Variants in PSMA1 observed in about 807,000 individuals in gnomAD.
PSMA1 encodes the protein proteasome 20S subunit alpha 1.
Under a neutral mutation model 38.4 loss-of-function variants are expected in PSMA1, and 3 were observed. The ratio of observed to expected loss-of-function variants is 0.08; its 90% CI spans 0.04 to 0.20. The LOEUF (loss-of-function observed/expected upper bound fraction) is 0.20. Among genes scored for constraint, PSMA1 ranks in the 10% least tolerant of loss-of-function variants. The pLI is 1.00. For missense variants in PSMA1, 227 were observed against 325.3 expected (o/e 0.70, Z 2.32); for synonymous variants, 101 against 107.1 (o/e 0.94, Z 0.35).
At chr11:14,636,687 C>A (rs1413564739) in intron 1 of PSMA1, among the ~76,000 whole-genome samples, 1 of 152,168 alleles carries the variant, frequency 6.6e-6, no homozygotes, top group East Asian at 1.9e-4. Context: ...AATCCATAAT[C>A]TTTACTCTCA....
intron 7 of PSMA1, among the ~76,000 whole-genome samples, chr11:14,512,839 A>G (rs1249509874): frequency 6.6e-6 from 1 of 152,252 alleles, no homozygotes; most frequent in African/African-American, 2.4e-5. Context: ...CAAACCATTT[A>G]CCATAATTTA....
intron 2 of PSMA1, among the ~76,000 whole-genome samples, chr11:14,518,360 A>G (rs1347819024): frequency 6.6e-6 from 1 of 152,152 alleles, no homozygotes; most frequent in Non-Finnish European, 1.5e-5. Context: ...TGGCCTCCCA[A>G]AGTGCTGGGA....
intron 1 of PSMA1, among the ~76,000 whole-genome samples, chr11:14,641,111 G>A (rs1480407081): frequency 2.0e-5 from 3 of 151,744 alleles, no homozygotes; most frequent in Admixed American, 6.6e-5. Context: ...AAACCACCAC[G>A]GCACGTGTAT....
intron 2 of PSMA1, among the ~76,000 whole-genome samples, chr11:14,560,678 C>G (rs1018705046): frequency 2.6e-5 from 4 of 152,194 alleles, no homozygotes; most frequent in African/African-American, 9.7e-5. Context: ...TTTTGGTTCC[C>G]AGACTTATGT....
intron 1 of PSMA1, among the ~76,000 whole-genome samples, chr11:14,634,102 C>T (rs1050257591): frequency 2.6e-5 from 4 of 152,174 alleles, no homozygotes; most frequent in Admixed American, 6.5e-5. Context: ...CCGTCTTCTG[C>T]GTCGCTCACA....
intron 2 of PSMA1, among the ~76,000 whole-genome samples, chr11:14,564,636 C>A (rs757753577): frequency 1.3e-5 from 2 of 152,130 alleles, no homozygotes; most frequent in Admixed American, 6.6e-5. Flanking sequence ...GAGTGGCTGT[C>A]CCATTTTACT....
chr11:14,609,861 C>T (rs1440841255), intron 2 of PSMA1, among the ~76,000 whole-genome samples: 3 of 152,174 alleles, frequency 2.0e-5, no homozygotes, highest in Admixed American at 1.3e-4. Context: ...ACACGATCAC[C>T]TGGATGCTTT....
At chr11:14,521,582 G>C (rs1174680326), upstream of PSMA1, among the ~76,000 whole-genome samples, 1 of 150,694 alleles carries the variant, frequency 6.6e-6, no homozygotes, top group Non-Finnish European at 1.5e-5. Flanking sequence ...TCAGGAGATC[G>C]GACCATCCTG....
intron 1 of PSMA1, among the ~76,000 whole-genome samples, chr11:14,628,434 G>A (rs1021121722): frequency 6.7e-6 from 1 of 148,666 alleles, no homozygotes. Context: ...TTTTGTTCTT[G>A]CGATAGTTTA....
At chr11:14,512,983 C>G (rs528451630) in intron 7 of PSMA1, among the ~76,000 whole-genome samples, 1 of 152,328 alleles carries the variant, frequency 6.6e-6, no homozygotes, top group African/African-American at 2.4e-5. Context: ...TCTGCATTCA[C>G]TAAACCCCAA....
At chr11:14,592,394 A>ATTT (rs757886405) in intron 2 of PSMA1, among the ~76,000 whole-genome samples, 79 of 138,140 alleles carry the variant, frequency 5.7e-4, no homozygotes, top group African/African-American at 2.0e-3. Flanking sequence ...ATATATATAT[A>ATTT]TTTTTTTTTT....
At chr11:14,580,043 G>C (rs1253740909) in intron 2 of PSMA1, among the ~76,000 whole-genome samples, 1 of 152,128 alleles carries the variant, frequency 6.6e-6, no homozygotes, top group Non-Finnish European at 1.5e-5. Flanking sequence ...CAAAGAGCAG[G>C]GCTGGAAAGA....
chr11:14,634,501 C>CT lies in PSMA1; in HGVS notation c.-166+8953dup, dbSNP rs75605281. On this transcript the variant is annotated intron_variant, in intron 1 of 10. Transcript: ENST00000418988. The stretch of plus-strand genomic sequence containing the variant: ...CACTTAATTCTTCGTAAAATTTAGG[C>CT]TTTTTTTTTTTTTAAGTGATTTTTG... Among the ~76,000 whole-genome samples, 465 of 140,948 alleles carry CT rather than the reference C, an allele frequency of 3.3e-3. 1 individual carries two copies. Among genetic ancestry groups the CT allele is most frequent in the African/African-American group, 5.7e-3 (219 of 38,414 alleles). The allele number at this position is 140,948 out of a possible 152,430, so 92.5% of individuals were successfully genotyped here.
chr11:14,630,994 G>A (rs1379784620), intron 1 of PSMA1, among the ~76,000 whole-genome samples: 1 of 152,200 alleles, frequency 6.6e-6, no homozygotes, highest in Non-Finnish European at 1.5e-5. Flanking sequence ...TTGTATTTCT[G>A]TAGGATTGGT....
chr11:14,537,288 T>C (rs1423413234), intron 2 of PSMA1, among the ~76,000 whole-genome samples: 1 of 152,192 alleles, frequency 6.6e-6, no homozygotes, highest in Non-Finnish European at 1.5e-5. Flanking sequence ...CCCACCACCC[T>C]CGCCCAGAAA....
intron 2 of PSMA1, among the ~76,000 whole-genome samples, chr11:14,543,531 CTT>C (rs879892441): frequency 1.4e-5 from 2 of 142,990 alleles, no homozygotes; most frequent in African/African-American, 2.6e-5. Context: ...GATTTGGTTT[CTT>C]TTTTTTTTTT....
intron 1 of PSMA1, among the ~76,000 whole-genome samples, chr11:14,621,605 T>A (rs1398024926): frequency 6.6e-6 from 1 of 152,224 alleles, no homozygotes; most frequent in African/African-American, 2.4e-5. Flanking sequence ...ATGCTAGTAA[T>A]GAATTGGCAC....
intron 2 of PSMA1, among the ~76,000 whole-genome samples, chr11:14,587,164 C>A (rs1239551759): frequency 1.3e-5 from 2 of 152,186 alleles, no homozygotes; most frequent in Non-Finnish European, 2.9e-5. Context: ...CCTTTCCCTG[C>A]TCTTCTCTGT....
chr11:14,573,417 G>T (rs1260225730), intron 2 of PSMA1, among the ~76,000 whole-genome samples: 1 of 152,142 alleles, frequency 6.6e-6, no homozygotes, highest in Non-Finnish European at 1.5e-5. Flanking sequence ...AAAACCACAT[G>T]ATTATCTCAA....
Sources: gnomAD v4.1 joint callset for allele counts (sites outside exome capture counted in the v4.1 genomes callset) on GRCh38, gnomAD v4.1.1 for gene constraint, MANE v1.5 for transcripts, NCBI Gene and HGNC (gene_info 2026-07-23, HGNC 2026-07-21) for gene names.